ADAMTS12: variants seen among roughly 807,000 people sequenced by gnomAD.
ADAMTS12 encodes A disintegrin and metalloproteinase with thrombospondin motifs 12.
ADAMTS12 carries 118 observed loss-of-function variants against 167.8 expected under a neutral mutation model. The ratio of observed to expected loss-of-function variants is 0.70; its 90% CI spans 0.61 to 0.82. ADAMTS12 has a LOEUF of 0.82. ADAMTS12 is among the 40% of genes least tolerant of loss of function. The probability of loss-of-function intolerance (pLI) is 0.00; values close to 1 mark genes in which losing one functional copy is unlikely to be tolerated. For missense variants in ADAMTS12, 1,916 were observed against 1,998.8 expected (o/e 0.96, Z 0.79); for synonymous variants, 704 against 716.9 (o/e 0.98, Z 0.29).
intron 16 of ADAMTS12, among the ~76,000 whole-genome samples, chr5:33,608,362 T>G (rs573535129): frequency 6.6e-6 from 1 of 152,286 alleles, no homozygotes; most frequent in East Asian, 1.9e-4. Context: ...ATTTTAACAA[T>G]AGAATTCTGT....
chr5:33,580,329 C>A (rs1377778515), intron 18 of ADAMTS12, among the ~76,000 whole-genome samples: 1 of 152,182 alleles, frequency 6.6e-6, no homozygotes, highest in East Asian at 1.9e-4. Flanking sequence ...TCCTTCTTCA[C>A]ATGGCGGCAG....
intron 2 of ADAMTS12, among the ~76,000 whole-genome samples, chr5:33,844,824 T>C (rs562044635): frequency 3.9e-5 from 6 of 152,288 alleles, no homozygotes; most frequent in Admixed American, 6.5e-5. Context: ...CCTACCGAAA[T>C]GTGATGCCTC....
chr5:33,670,157 T>A (rs370096081), intron 5 of ADAMTS12, among the ~76,000 whole-genome samples: 6 of 150,442 alleles, frequency 4.0e-5, no homozygotes, highest in Admixed American at 6.6e-5. Context: ...CACTCAACAA[T>A]AAAAAAAAAT....
chr5:33,671,825 C>G (rs190835007), intron 5 of ADAMTS12, among the ~76,000 whole-genome samples: 63 of 150,756 alleles, frequency 4.2e-4, no homozygotes, highest in Non-Finnish European at 6.1e-4. Context: ...CTCACATACC[C>G]ACACACCCAC....
intron 2 of ADAMTS12, among the ~76,000 whole-genome samples, chr5:33,775,064 T>C (rs975673539): frequency 6.6e-6 from 1 of 152,084 alleles, no homozygotes; most frequent in African/African-American, 2.4e-5. Context: ...TTTTTAAAGC[T>C]CCCCAGGTCA....
intron 3 of ADAMTS12, among the ~76,000 whole-genome samples, chr5:33,691,174 T>C (rs1299753151): frequency 6.6e-6 from 1 of 152,210 alleles, no homozygotes; most frequent in African/African-American, 2.4e-5. Context: ...ACATTTCATG[T>C]AGGGTATAAA....
intron 3 of ADAMTS12, among the ~76,000 whole-genome samples, chr5:33,693,391 T>C (rs577127918): frequency 1.3e-5 from 2 of 152,340 alleles, no homozygotes; most frequent in Admixed American, 1.3e-4. Context: ...TATATATGGT[T>C]ATATTTACAT....
At chr5:33,593,356 A>G (rs1484737926) in intron 17 of ADAMTS12, among the ~76,000 whole-genome samples, 1 of 152,212 alleles carries the variant, frequency 6.6e-6, no homozygotes, top group Non-Finnish European at 1.5e-5. Context: ...CAGCACATAC[A>G]GAGGCAGCAC....
chr5:33,657,713 C>T lies in ADAMTS12; in HGVS notation c.1190+471G>A, dbSNP rs1460053426. On this transcript the variant is annotated intron_variant, in intron 7 of 23. Transcript: ENST00000504830. Reference sequence around the variant, plus strand: ...CCTCCTTTAATAAACATAAGTAAAACGGGACTAACAGTACCATCTATTTCA... The same window carrying T: ...CCTCCTTTAATAAACATAAGTAAAATGGGACTAACAGTACCATCTATTTCA... 3.9e-5 allele frequency among the ~76,000 whole-genome samples: 6 copies of T among 152,160 alleles called. 1 individual carries two copies. The South Asian group carries it at 1.0e-3, about 26-fold the overall frequency.
chr5:33,588,349 G>A (rs1224918993), intron 18 of ADAMTS12, among the ~76,000 whole-genome samples: 1 of 152,134 alleles, frequency 6.6e-6, no homozygotes, highest in Non-Finnish European at 1.5e-5. Context: ...TTGTGATCCT[G>A]TACTGGGAGT....
At chr5:33,540,029 G>A (rs1395969153) in intron 22 of ADAMTS12, among the ~76,000 whole-genome samples, 1 of 152,232 alleles carries the variant, frequency 6.6e-6, no homozygotes, top group Non-Finnish European at 1.5e-5. Context: ...AAGTGCAAGG[G>A]GTTGGGGGAT....
At chr5:33,555,192 AG>A in intron 20 of ADAMTS12, among the ~76,000 whole-genome samples, 1 of 152,166 alleles carries the variant, frequency 6.6e-6, no homozygotes, top group East Asian at 1.9e-4. Flanking sequence ...GGATTTTTCA[AG>A]CTCATTATTA....
chr5:33,690,541 T>C (rs1371377780), intron 3 of ADAMTS12, among the ~76,000 whole-genome samples: 3 of 151,784 alleles, frequency 2.0e-5, no homozygotes, highest in Admixed American at 6.6e-5. Context: ...ATTCAGAATA[T>C]GTCAAAAAGG....
chr5:33,798,183 A>G lies in ADAMTS12; in HGVS notation c.490-46635T>C, dbSNP rs115231774. Among the ~76,000 whole-genome samples the G allele has an allele frequency of 7.1e-3, 1,070 of 151,552 alleles. 12 individuals carry two copies. Among genetic ancestry groups the G allele is most frequent in the African/African-American group, 0.025 (1,034 of 40,980 alleles). On this transcript the variant is annotated intron_variant, in intron 2 of 23. Coordinates refer to ENST00000504830, the MANE Select transcript of ADAMTS12 (RefSeq NM_030955.4). ...CTACTAGATGCCTACTTACACTCTC[A>G]TGACATTTTTTTTTTTTAATTTCCA...
At chr5:33,560,376 G>T (rs1745679883) in intron 20 of ADAMTS12, among the ~76,000 whole-genome samples, 1 of 152,144 alleles carries the variant, frequency 6.6e-6, no homozygotes, top group Non-Finnish European at 1.5e-5. Flanking sequence ...ATTCCTCAGG[G>T]ATCTAGAACT....
intron 16 of ADAMTS12, among the ~76,000 whole-genome samples, chr5:33,598,878 C>T (rs904171177): frequency 1.3e-5 from 2 of 152,184 alleles, no homozygotes; most frequent in Non-Finnish European, 2.9e-5. Flanking sequence ...AGAAGTGATG[C>T]TGTGTGACTT....
At chr5:33,722,967 C>G (rs2112338432) in intron 3 of ADAMTS12, among the ~76,000 whole-genome samples, 1 of 152,218 alleles carries the variant, frequency 6.6e-6, no homozygotes, top group East Asian at 1.9e-4. Flanking sequence ...ACCCTGGAAG[C>G]CCAAGAAAAG....
chr5:33,851,809 C>T (rs886566680), intron 2 of ADAMTS12, among the ~76,000 whole-genome samples: 2 of 152,220 alleles, frequency 1.3e-5, no homozygotes, highest in African/African-American at 4.8e-5. Flanking sequence ...CTGCACCATA[C>T]GTTCAGGTAA....
chr5:33,839,597 G>A (rs2111589410), intron 2 of ADAMTS12, among the ~76,000 whole-genome samples: 1 of 152,234 alleles, frequency 6.6e-6, no homozygotes. Flanking sequence ...ATGCTGAGGG[G>A]AGCCGACTGA....
Sources: gnomAD v4.1 joint callset for allele counts (sites outside exome capture counted in the v4.1 genomes callset) on GRCh38, gnomAD v4.1.1 for gene constraint, MANE v1.5 for transcripts, NCBI Gene and HGNC (gene_info 2026-07-23, HGNC 2026-07-21) for gene names.